RCAN1: variants seen among roughly 807,000 people sequenced by gnomAD.
RCAN1 encodes the protein calcipressin-1.
Under a neutral mutation model 22.9 loss-of-function variants are expected in RCAN1, and 11 were observed. The ratio of observed to expected loss-of-function variants is 0.48; its 90% CI spans 0.30 to 0.79. The LOEUF (loss-of-function observed/expected upper bound fraction) is 0.79. Among genes scored for constraint, RCAN1 ranks in the 30% least tolerant of loss-of-function variants. RCAN1 has a pLI of 0.06. For missense variants in RCAN1, 291 were observed against 337.8 expected (o/e 0.86, Z 1.09); for synonymous variants, 136 against 142.3 (o/e 0.96, Z 0.32).
At chr21:34,546,110 G>A (rs1170443914) in intron 1 of RCAN1, among the ~76,000 whole-genome samples, 3 of 152,194 alleles carry the variant, frequency 2.0e-5, no homozygotes, top group Non-Finnish European at 4.4e-5. Context: ...CATGCTGTTT[G>A]ACCATCTGAA....
chr21:34,577,737 C>A (rs1601193012), intron 1 of RCAN1, among the ~76,000 whole-genome samples: 2 of 152,192 alleles, frequency 1.3e-5, no homozygotes, highest in African/African-American at 4.8e-5. Flanking sequence ...GTGACTGAAC[C>A]AAGGCAGTTA....
At chr21:34,596,595 T>C (rs1288807190) in intron 1 of RCAN1, among the ~76,000 whole-genome samples, 1 of 152,032 alleles carries the variant, frequency 6.6e-6, no homozygotes, top group Non-Finnish European at 1.5e-5. Context: ...TTTAGAGCCG[T>C]CTCAGGGACA....
intron 1 of RCAN1, among the ~76,000 whole-genome samples, chr21:34,576,876 C>T (rs1407846600): frequency 6.6e-6 from 1 of 152,228 alleles, no homozygotes; most frequent in Admixed American, 6.5e-5. Flanking sequence ...CATTCATTCA[C>T]TCATCAAACA....
chr21:34,567,324 A>G (rs776677064), intron 1 of RCAN1, among the ~76,000 whole-genome samples: 37 of 152,286 alleles, frequency 2.4e-4, no homozygotes, highest in South Asian at 4.1e-4. Context: ...GTGAAACCCT[A>G]TCTCTATTAA....
chr21:34,540,916 T>A, intron 1 of RCAN1, among the ~76,000 whole-genome samples: 1 of 150,490 alleles, frequency 6.6e-6, no homozygotes, highest in East Asian at 2.0e-4. Context: ...ACCTGGGAGG[T>A]GGAGGTTGCA....
chr21:34,613,830 T>G, intron 1 of RCAN1: 1 of 1,482,278 alleles, frequency 6.7e-7, no homozygotes, highest in Non-Finnish European at 9.1e-7. Context: ...GGCAGCAGCC[T>G]TCAACTATAG....
intron 1 of RCAN1, among the ~76,000 whole-genome samples, chr21:34,570,155 A>AT (rs573114020): frequency 1.5e-3 from 221 of 152,280 alleles, no homozygotes; most frequent in African/African-American, 5.0e-3. Flanking sequence ...AACTGTAGAG[A>AT]TTTTTTTTAA....
intron 1 of RCAN1, among the ~76,000 whole-genome samples, chr21:34,607,961 T>A (rs978678408): frequency 6.6e-6 from 1 of 152,164 alleles, no homozygotes; most frequent in East Asian, 1.9e-4. Context: ...CATAGGAGCA[T>A]GAACCCTATT....
At chr21:34,594,368 A>G (rs1988078102) in intron 1 of RCAN1, among the ~76,000 whole-genome samples, 1 of 152,214 alleles carries the variant, frequency 6.6e-6, no homozygotes, top group African/African-American at 2.4e-5. Flanking sequence ...CCTGGCCAAC[A>G]TGGTGAAACC....
At chr21:34,566,186 G>T (rs1336837027) in intron 1 of RCAN1, among the ~76,000 whole-genome samples, 1 of 152,134 alleles carries the variant, frequency 6.6e-6, no homozygotes, top group Non-Finnish European at 1.5e-5. Context: ...CATGTGGCTG[G>T]GCAGTCCAGC....
chr21:34,563,083 G>A (rs750181594), intron 1 of RCAN1, among the ~76,000 whole-genome samples: 7 of 152,108 alleles, frequency 4.6e-5, no homozygotes, highest in Middle Eastern at 3.2e-3. Flanking sequence ...TGTGGTGTCC[G>A]CTGTTTTCAG....
intron 1 of RCAN1, among the ~76,000 whole-genome samples, chr21:34,565,668 A>AGG: frequency 6.6e-6 from 1 of 152,358 alleles, no homozygotes; most frequent in African/African-American, 2.4e-5. Flanking sequence ...AAATGGTGCC[A>AGG]CTACATAGCC....
chr21:34,611,621 G>A (rs541236274), intron 1 of RCAN1, among the ~76,000 whole-genome samples: 149 of 152,288 alleles, frequency 9.8e-4, no homozygotes, highest in Middle Eastern at 3.4e-3. Context: ...GACTGGCTAA[G>A]GAGGGGACGG....
chr21:34,527,157 C>G (rs528394773), intron 1 of RCAN1, among the ~76,000 whole-genome samples: 15 of 152,264 alleles, frequency 9.9e-5, no homozygotes, highest in Non-Finnish European at 1.9e-4. Flanking sequence ...ACACGCTCCT[C>G]GGCCGAATGG....
chr21:34,542,057 A>C (rs1985936709), intron 1 of RCAN1, among the ~76,000 whole-genome samples: 1 of 152,178 alleles, frequency 6.6e-6, no homozygotes, highest in Non-Finnish European at 1.5e-5. Flanking sequence ...CATACACCCA[A>C]ATTTGGGCTT....
Position 34,518,304 on chromosome 21 carries a change from G to A in RCAN1, c.587-48C>T, listed in dbSNP as rs1445604371. ...GGGTCACTCAGACAAGTCCTTGGGA[G>A]TCAAAAGGCAAACATAAAAGAGCAT... is the stretch of plus-strand genomic sequence containing the variant. On this transcript the variant is annotated intron_variant, in intron 3 of 3. Coordinates refer to ENST00000313806, the MANE Select transcript of RCAN1 (RefSeq NM_004414.7). The surrounding 1 kb of genome is among the most constrained non-coding windows in gnomAD (Gnocchi z 4.2). 7 of 1,591,542 alleles carry A rather than the reference G, an allele frequency of 4.4e-6. No individual in the cohort carries two copies. Among genetic ancestry groups the A allele is most frequent in the Non-Finnish European group, 6.0e-6 (7 of 1,166,364 alleles).
intron 1 of RCAN1, among the ~76,000 whole-genome samples, chr21:34,579,729 G>A (rs566049882): frequency 6.6e-6 from 1 of 152,022 alleles, no homozygotes; most frequent in African/African-American, 2.4e-5. Context: ...TGAATTATTC[G>A]AGAGTCTCAA....
At chr21:34,594,798 C>T (rs1298199728) in intron 1 of RCAN1, among the ~76,000 whole-genome samples, 1 of 152,178 alleles carries the variant, frequency 6.6e-6, no homozygotes, top group Non-Finnish European at 1.5e-5. Flanking sequence ...CATACAAACT[C>T]GCCAGGCCTC....
chr21:34,572,178 T>A (rs2409528), intron 1 of RCAN1, among the ~76,000 whole-genome samples: 26,455 of 151,736 alleles, frequency 0.17, 2,731 homozygotes, highest in South Asian at 0.25. Context: ...TCGCAAGAGG[T>A]CAAGGTAAAA....
Sources: allele counts gnomAD v4.1 joint callset (sites outside exome capture counted in the v4.1 genomes callset), GRCh38; gene constraint gnomAD v4.1.1; non-coding constraint Gnocchi (gnomAD v3.1); transcripts MANE v1.5; gene names NCBI Gene and HGNC (gene_info 2026-07-23, HGNC 2026-07-21).